The following ANTXR1 variants were observed in gnomAD, a reference collection of about 807,000 sequenced individuals.
ANTXR1 encodes the protein anthrax toxin receptor 1.
In ANTXR1, 19 loss-of-function variants were observed where a neutral mutation model predicts 78.1. The observed-to-expected ratio is 0.24, with a 90% CI of 0.17 to 0.36. The LOEUF is 0.36. Among genes scored for constraint, ANTXR1 ranks in the 10% least tolerant of loss-of-function variants. The pLI is 1.00. For synonymous variants in ANTXR1, 273 were observed against 260.5 expected (o/e 1.05, Z -0.46); for missense variants, 518 against 718.6 (o/e 0.72, Z 3.19).
At chr2:69,233,045 TA>T (rs1439310858) in intron 17 of ANTXR1, among the ~76,000 whole-genome samples, 2 of 152,124 alleles carry the variant, frequency 1.3e-5, no homozygotes, top group African/African-American at 4.8e-5. Flanking sequence ...TAAGAAAGGA[TA>T]AATTACAGAA....
intron 3 of ANTXR1, among the ~76,000 whole-genome samples, chr2:69,054,516 G>A (rs1375303105): frequency 2.0e-5 from 3 of 152,206 alleles, no homozygotes; most frequent in Non-Finnish European, 2.9e-5. Context: ...ATGGGGGTAC[G>A]AGGTTAAGTA....
At chr2:69,218,059 C>T (rs1044340602) in intron 17 of ANTXR1, among the ~76,000 whole-genome samples, 3 of 152,148 alleles carry the variant, frequency 2.0e-5, no homozygotes, top group Non-Finnish European at 4.4e-5. Flanking sequence ...GGATTCCTAT[C>T]ATCTCCTTGA....
intron 8 of ANTXR1, among the ~76,000 whole-genome samples, chr2:69,088,741 G>A (rs1181739180): frequency 6.6e-6 from 1 of 152,222 alleles, no homozygotes; most frequent in East Asian, 1.9e-4. Context: ...ATATGCGCAA[G>A]AGACCGAAAA....
intron 16 of ANTXR1, among the ~76,000 whole-genome samples, chr2:69,185,661 A>C (rs1189598724): frequency 6.6e-6 from 1 of 152,118 alleles, no homozygotes; most frequent in Non-Finnish European, 1.5e-5. Context: ...AAATAGGCAA[A>C]GAGGCCATGA....
intron 3 of ANTXR1, among the ~76,000 whole-genome samples, chr2:69,052,417 T>C (rs371456745): frequency 2.0e-5 from 3 of 152,126 alleles, no homozygotes; most frequent in Admixed American, 6.6e-5. Flanking sequence ...CCATCTTAAC[T>C]ATCTTTCCCC....
intron 12 of ANTXR1, among the ~76,000 whole-genome samples, chr2:69,134,430 C>CT (rs1354522751): frequency 6.6e-6 from 1 of 152,070 alleles, no homozygotes; most frequent in African/African-American, 2.4e-5. Flanking sequence ...TTAAAAAGGC[C>CT]TTTTTAATTA....
intron 17 of ANTXR1, among the ~76,000 whole-genome samples, chr2:69,216,062 G>A (rs577948462): frequency 2.0e-5 from 3 of 152,218 alleles, no homozygotes; most frequent in Non-Finnish European, 4.4e-5. Flanking sequence ...CTCTTTTAGA[G>A]GCTTGCCAGG....
intron 14 of ANTXR1, among the ~76,000 whole-genome samples, chr2:69,177,940 A>T (rs1423880185): frequency 2.0e-5 from 3 of 152,162 alleles, no homozygotes; most frequent in African/African-American, 7.2e-5. Flanking sequence ...AATTGGGCTC[A>T]TCCAGCCCCA....
chr2:69,172,220 C>CT, intron 14 of ANTXR1: 2 of 660,828 alleles, frequency 3.0e-6, no homozygotes, highest in Non-Finnish European at 5.4e-6. Flanking sequence ...AATCAAGAAA[C>CT]TACCCAAACT....
intron 17 of ANTXR1, among the ~76,000 whole-genome samples, chr2:69,194,581 C>T (rs182651133): frequency 3.9e-4 from 60 of 152,268 alleles, no homozygotes; most frequent in Admixed American, 2.0e-3. Flanking sequence ...GGATGGGCAC[C>T]GTGGCTCATA....
At chr2:69,047,897 T>C (rs1669819215) in intron 3 of ANTXR1, among the ~76,000 whole-genome samples, 1 of 152,192 alleles carries the variant, frequency 6.6e-6, no homozygotes, top group Non-Finnish European at 1.5e-5. Context: ...CAAATTAGTA[T>C]TCTGATTCTG....
intron 6 of ANTXR1, 35 bp from the exon 7 acceptor site, chr2:69,075,555 T>C: frequency 1.2e-6 from 2 of 1,608,788 alleles, no homozygotes; most frequent in Non-Finnish European, 1.7e-6. Context: ...TTGTCACTGC[T>C]TCTCTTTCTA....
At chr2:69,236,500 G>A (rs1158564542) in intron 17 of ANTXR1, among the ~76,000 whole-genome samples, 1 of 152,166 alleles carries the variant, frequency 6.6e-6, no homozygotes, top group Non-Finnish European at 1.5e-5. Flanking sequence ...GTAATTGAAA[G>A]TGTAGGGAAA....
chr2:69,038,251 G>A (rs1034137020), intron 1 of ANTXR1, among the ~76,000 whole-genome samples: 1 of 152,094 alleles, frequency 6.6e-6, no homozygotes, highest in African/African-American at 2.4e-5. Flanking sequence ...AGCCATCTCT[G>A]CACCTTAGGC....
intron 13 of ANTXR1, among the ~76,000 whole-genome samples, chr2:69,163,971 G>C (rs1327797480): frequency 6.6e-6 from 1 of 152,230 alleles, no homozygotes; most frequent in Non-Finnish European, 1.5e-5. Flanking sequence ...AGCTGGCACA[G>C]TTTTGCAGTT....
At chr2:69,219,276 C>T (rs1026807576) in intron 17 of ANTXR1, among the ~76,000 whole-genome samples, 3 of 152,064 alleles carry the variant, frequency 2.0e-5, no homozygotes, top group Non-Finnish European at 1.5e-5. Flanking sequence ...CTTCTGTGTG[C>T]GTAGTCATCT....
chr2:69,211,117 G>A (rs75144229), intron 17 of ANTXR1, among the ~76,000 whole-genome samples: 5,017 of 152,066 alleles, frequency 0.033, 291 homozygotes, highest in African/African-American at 0.11. Context: ...GGATACCCTC[G>A]GGCTCTGGTT....
At chr2:69,170,070 C>T (rs908670136) in intron 13 of ANTXR1, among the ~76,000 whole-genome samples, 178 bp from the exon 14 acceptor site, 4 of 152,210 alleles carry the variant, frequency 2.6e-5, no homozygotes, top group African/African-American at 9.7e-5. Context: ...CATATGCTAA[C>T]TAGCAGAGCT....
intron 17 of ANTXR1, among the ~76,000 whole-genome samples, chr2:69,220,028 A>G (rs911156893): frequency 2.6e-5 from 4 of 152,206 alleles, no homozygotes; most frequent in Admixed American, 6.5e-5. Flanking sequence ...GCATTTTATT[A>G]AACCTGCAGA....
Sources: gnomAD v4.1 joint callset for allele counts (sites outside exome capture counted in the v4.1 genomes callset) on GRCh38, gnomAD v4.1.1 for gene constraint, MANE v1.5 for transcripts, NCBI Gene and HGNC (gene_info 2026-07-23, HGNC 2026-07-21) for gene names.